The following DROSHA variants were observed in gnomAD, a reference collection of about 807,000 sequenced individuals.
The protein encoded by DROSHA is drosha ribonuclease III.
Under a neutral mutation model 181.9 loss-of-function variants are expected in DROSHA, and 56 were observed. That is an observed-to-expected ratio of 0.31 (90% confidence interval 0.25 to 0.38). The LOEUF (loss-of-function observed/expected upper bound fraction) is 0.38, where lower values mean the gene tolerates loss of function less well. DROSHA is among the 10% of genes least tolerant of loss of function. DROSHA has a pLI of 1.00. For synonymous variants in DROSHA, 524 were observed against 591.2 expected, an observed-to-expected ratio of 0.89 and a Z score of 1.65; for missense variants, 1,218 against 1,743.5, an observed-to-expected ratio of 0.70 and a Z score of 5.37.
At chr5:31,469,298 A>C (rs1483370867) in intron 17 of DROSHA, among the ~76,000 whole-genome samples, 1 of 152,118 alleles carries the variant, frequency 6.6e-6, no homozygotes, top group Non-Finnish European at 1.5e-5. Flanking sequence ...CGGAGGTTGT[A>C]GTGAGCTGAG....
intron 13 of DROSHA, among the ~76,000 whole-genome samples, 170 bp downstream of exon 13, chr5:31,493,037 A>G (rs1465360469): frequency 6.6e-6 from 1 of 152,226 alleles, no homozygotes; most frequent in Non-Finnish European, 1.5e-5. Flanking sequence ...CAGATGTCAC[A>G]ATGCCACCTG....
In DROSHA at chr5:31,410,789, C is replaced by A; in HGVS notation, c.3624G>T (p.Arg1208Ser). 1 of 1,613,986 alleles carries A rather than the reference C, an allele frequency of 6.2e-7. No homozygotes were observed. Among genetic ancestry groups the A allele is most frequent in the Non-Finnish European group, 8.5e-7 (1 of 1,179,844 alleles). ...EYAITNDKTKRPVALRTKTLA... is the reference protein window; with the variant it reads ...EYAITNDKTKSPVALRTKTLA... ...AGGTCTTGGTGCGAAGCGCCACAGG[C>A]CTCTTGGTCTTGTCGTTGGTTATGG... Residue 1208 changes from arginine to serine, a missense_variant, in exon 31 of 36, where the codon AGG becomes AGT. Coordinates refer to ENST00000344624, the MANE Select transcript of DROSHA (RefSeq NM_001382508.1).
intron 24 of DROSHA, among the ~76,000 whole-genome samples, chr5:31,436,345 A>T (rs1416818155): frequency 6.6e-6 from 1 of 151,894 alleles, no homozygotes; most frequent in Non-Finnish European, 1.5e-5. Context: ...CCTTTAAAAG[A>T]GAAATTGTGT....
At chr5:31,508,169 T>C (rs1038623472) in intron 10 of DROSHA, among the ~76,000 whole-genome samples, 1 of 152,228 alleles carries the variant, frequency 6.6e-6, no homozygotes, top group Non-Finnish European at 1.5e-5. Context: ...AAAATAATTA[T>C]GTCCACCTAT....
In DROSHA at chr5:31,486,487, T is replaced by G; in HGVS notation, c.1914+4A>C. On this transcript the variant is annotated splice_donor_region_variant and intron_variant, in intron 14 of 35. Transcript: ENST00000344624. The stretch of plus-strand genomic sequence containing the variant: ...ATCAAACCACACACAATCTTTTCCC[T>G]TACCTCCGGCATCATCTCTTCAATG... 1 of 1,613,524 alleles carries G rather than the reference T, an allele frequency of 6.2e-7. No homozygotes were observed. The highest frequency in any genetic ancestry group is 8.5e-7 in the Non-Finnish European group (1 of 1,179,694).
intron 16 of DROSHA, among the ~76,000 whole-genome samples, chr5:31,479,683 G>GAT (rs1162298326): frequency 2.0e-5 from 3 of 151,536 alleles, no homozygotes; most frequent in Middle Eastern, 3.2e-3. Context: ...GAAGGTATTA[G>GAT]ATATATATAT....
At chr5:31,479,480 A>G (rs1178159739) in intron 16 of DROSHA, among the ~76,000 whole-genome samples, 1 of 152,252 alleles carries the variant, frequency 6.6e-6, no homozygotes, top group Admixed American at 6.5e-5. Flanking sequence ...AAACAAATTC[A>G]AGACTGATTA....
intron 10 of DROSHA, among the ~76,000 whole-genome samples, chr5:31,507,136 G>A (rs981501218): frequency 3.3e-5 from 5 of 151,974 alleles, no homozygotes; most frequent in African/African-American, 9.7e-5. Flanking sequence ...GCAACATAGC[G>A]AGACCTCATC....
rs758819754 is a variant in DROSHA, at chr5:31,401,347, G to C, written c.*85C>G. Reference sequence around the variant, plus strand: ...TTTCAATGAGCACACTTCATTCATTGTCTGCAGGAAAACTAGGCTAGGTCT... The same window carrying C: ...TTTCAATGAGCACACTTCATTCATTCTCTGCAGGAAAACTAGGCTAGGTCT... On this transcript the variant is annotated 3_prime_UTR_variant, in exon 36 of 36. Coordinates refer to ENST00000344624, the MANE Select transcript of DROSHA (RefSeq NM_001382508.1). 17 of 1,549,728 alleles carry C rather than the reference G, an allele frequency of 1.1e-5. No homozygotes were observed. The South Asian group carries it at 1.7e-4, about 15-fold the overall frequency.
intron 20 of DROSHA, among the ~76,000 whole-genome samples, chr5:31,454,312 C>T (rs1274641855): frequency 6.6e-6 from 1 of 152,104 alleles, no homozygotes; most frequent in African/African-American, 2.4e-5. Context: ...AGAAGCCCTA[C>T]AACCAGGAGA....
At chr5:31,430,975 T>C (rs1485515152) in intron 26 of DROSHA, among the ~76,000 whole-genome samples, 1 of 152,198 alleles carries the variant, frequency 6.6e-6, no homozygotes, top group Non-Finnish European at 1.5e-5. Context: ...GCCAGCTAAT[T>C]AACTCTTCAT....
In DROSHA at chr5:31,424,464, C is replaced by T. The variant is rs1186040397; in HGVS notation, c.3224G>A (p.Arg1075His). 14 of 1,594,426 alleles carry T rather than the reference C, an allele frequency of 8.8e-6. No individual in the cohort carries two copies. The highest frequency in any genetic ancestry group is 1.3e-5 in the African/African-American group (1 of 74,618). The change falls in exon 28 of 36, where the codon CGC (arginine) becomes CAC (histidine). Residue 1075 changes from arginine to histidine, a missense_variant. Physicochemically the swap from Arg to His is conservative, Grantham distance 29 (BLOSUM62 0). Around this residue, in one of 8 missense-constraint regions of DROSHA, gnomAD observed 71 missense variants for 95.2 expected, o/e 0.75. Transcript: ENST00000344624. The stretch of plus-strand genomic sequence containing the variant: ...GAGAGGATAATTGAGCCAGACTTCG[C>T]GCAGGTCCTGGAAAATGGAGTGATG... ...GRLLFNDPDL[R>H]EVWLNYPLHP...
intron 23 of DROSHA, among the ~76,000 whole-genome samples, chr5:31,447,162 A>T (rs1306283998): frequency 6.6e-6 from 1 of 152,234 alleles, no homozygotes; most frequent in Non-Finnish European, 1.5e-5. Context: ...AAACTAACAC[A>T]GGAACAGAAA....
At chr5:31,511,220 G>T in intron 8 of DROSHA, 44 bp from the exon 9 acceptor site, 1 of 1,558,040 alleles carries the variant, frequency 6.4e-7, no homozygotes, top group Non-Finnish European at 8.8e-7. Context: ...TATCAATAAC[G>T]ATCATATCAA....
Position 31,409,052 on chromosome 5 carries a change from T to C in DROSHA, c.3854+4A>G. The C allele has an allele frequency of 6.2e-7, 1 of 1,611,084 alleles. No individual in the cohort carries two copies. The highest frequency in any genetic ancestry group is 8.5e-7 in the Non-Finnish European group (1 of 1,177,950). On this transcript the variant is annotated splice_donor_region_variant and intron_variant, in intron 33 of 35. Transcript: ENST00000344624. The surrounding 1 kb of genome is among the most constrained non-coding windows in gnomAD (Gnocchi z 4.0). Reference sequence around the variant, plus strand: ...CCAATGGCCTGCAGGCAACAAGTACTTACTTGTACAGAGGAATGTCTGGCT... The same window carrying C: ...CCAATGGCCTGCAGGCAACAAGTACCTACTTGTACAGAGGAATGTCTGGCT...
chr5:31,456,487 C>CAT (rs1488298713), intron 20 of DROSHA, among the ~76,000 whole-genome samples: 1 of 149,786 alleles, frequency 6.7e-6, no homozygotes, highest in African/African-American at 2.5e-5. Context: ...CACACACACA[C>CAT]ACACACAGAC....
At chr5:31,498,515 T>A (rs977909422) in intron 11 of DROSHA, among the ~76,000 whole-genome samples, 1 of 152,082 alleles carries the variant, frequency 6.6e-6, no homozygotes. Context: ...AGGTCAGAAA[T>A]GAAGAAAGCA....
chr5:31,414,850 C>T (rs1189772114), intron 30 of DROSHA, among the ~76,000 whole-genome samples: 1 of 152,156 alleles, frequency 6.6e-6, no homozygotes, highest in African/African-American at 2.4e-5. Context: ...CAGGTGCTAA[C>T]CTGTCATCAA....
intron 30 of DROSHA, among the ~76,000 whole-genome samples, chr5:31,419,892 T>C (rs1277598332): frequency 5.3e-5 from 8 of 152,104 alleles, no homozygotes; most frequent in South Asian, 2.1e-4. Flanking sequence ...AAAATGTTTA[T>C]AGTTTATGAA....
Sources: gnomAD v4.1 joint callset for allele counts (sites outside exome capture counted in the v4.1 genomes callset) on GRCh38, gnomAD v4.1.1 for gene constraint, gnomAD v4.1.1 regional missense constraint, Gnocchi (gnomAD v3.1) non-coding constraint, MANE v1.5 for transcripts, NCBI Gene and HGNC (gene_info 2026-07-23, HGNC 2026-07-21) for gene names.